DLGAP1: variants seen among roughly 807,000 people sequenced by gnomAD.
DLGAP1 encodes DLG associated protein 1, also known as disks large-associated protein 1.
DLGAP1 carries 11 observed loss-of-function variants against 90.8 expected under a neutral mutation model. The observed-to-expected ratio is 0.12, with a 90% CI of 0.08 to 0.20. DLGAP1 has a LOEUF of 0.20. Ranked by LOEUF, DLGAP1 falls within the 10% of genes least tolerant of loss-of-function variation. The pLI, the probability that DLGAP1 is intolerant of heterozygous loss-of-function variation, is 1.00. For missense variants in DLGAP1, 1,050 were observed against 1,333.8 expected (o/e 0.79, Z 3.31); for synonymous variants, 558 against 540.7 (o/e 1.03, Z -0.44).
chr18:3,676,063 T>TA (rs2060287228), intron 7 of DLGAP1, among the ~76,000 whole-genome samples: 1 of 152,206 alleles, frequency 6.6e-6, no homozygotes, highest in African/African-American at 2.4e-5. Context: ...CAAACTATTT[T>TA]CCTTTCTAAC....
intron 5 of DLGAP1, among the ~76,000 whole-genome samples, chr18:3,745,980 T>G (rs976338722): frequency 1.3e-5 from 2 of 152,158 alleles, no homozygotes; most frequent in Non-Finnish European, 2.9e-5. Context: ...TGTGCCACCA[T>G]GCCCGGCCTC....
At chr18:3,933,068 T>C (rs992729766) in intron 3 of DLGAP1, among the ~76,000 whole-genome samples, 1 of 152,034 alleles carries the variant, frequency 6.6e-6, no homozygotes, top group Non-Finnish European at 1.5e-5. Context: ...ACCTTGGGAG[T>C]TGCAGTTGGT....
chr18:3,545,268 C>T (rs968634937), intron 9 of DLGAP1, among the ~76,000 whole-genome samples: 4 of 151,136 alleles, frequency 2.6e-5, no homozygotes, highest in Admixed American at 6.6e-5. Flanking sequence ...AGCAAAACCC[C>T]GTCTCCAAAA....
chr18:3,803,335 C>G (rs576788712), intron 5 of DLGAP1, among the ~76,000 whole-genome samples: 1 of 152,120 alleles, frequency 6.6e-6, no homozygotes, highest in South Asian at 2.1e-4. Flanking sequence ...GAGAAGGCGA[C>G]GACAATGGAA....
At position 3,993,747 on chromosome 18, in the gene DLGAP1, C is replaced by A. The variant is rs543642853; in HGVS notation, c.-73+11369G>T. On this transcript the variant is annotated intron_variant, in intron 3 of 12. Transcript: ENST00000315677. The stretch of plus-strand genomic sequence containing the variant: ...GAGAGAATGAATCTCTCATAGTTTC[C>A]CTTCTCATGGGATCACTGACCAAGC... 6.6e-5 allele frequency among the ~76,000 whole-genome samples: 10 copies of A among 152,170 alleles called. No individual in the cohort carries two copies. The East Asian group carries it at 7.7e-4, about 12-fold the overall frequency.
intron 7 of DLGAP1, among the ~76,000 whole-genome samples, chr18:3,683,245 G>C (rs2060583260): frequency 6.6e-6 from 1 of 152,192 alleles, no homozygotes; most frequent in African/African-American, 2.4e-5. Context: ...GGAGCTGATG[G>C]TAGATGAAAT....
At chr18:4,042,975 A>G (rs2074997840) in intron 2 of DLGAP1, among the ~76,000 whole-genome samples, 1 of 152,220 alleles carries the variant, frequency 6.6e-6, no homozygotes, top group African/African-American at 2.4e-5. Context: ...ATTCATTTAT[A>G]TGATTTGAAT....
intron 1 of DLGAP1, among the ~76,000 whole-genome samples, chr18:4,341,629 C>T (rs2081190404): frequency 6.6e-6 from 1 of 152,166 alleles, no homozygotes; most frequent in South Asian, 2.1e-4. Flanking sequence ...CTTCTACAAA[C>T]CTATCCCCAC....
chr18:3,856,531 A>T (rs1360972881), intron 4 of DLGAP1, among the ~76,000 whole-genome samples: 1 of 152,152 alleles, frequency 6.6e-6, no homozygotes, highest in Non-Finnish European at 1.5e-5. Flanking sequence ...GAAACAGAAG[A>T]AACCTATTAC....
chr18:4,287,998 T>G (rs906611359), intron 1 of DLGAP1, among the ~76,000 whole-genome samples: 3 of 152,126 alleles, frequency 2.0e-5, no homozygotes, highest in Non-Finnish European at 4.4e-5. Flanking sequence ...TTTACAGGCT[T>G]GTGTTAAGAA....
intron 2 of DLGAP1, among the ~76,000 whole-genome samples, chr18:4,024,170 A>G (rs2074661623): frequency 6.6e-6 from 1 of 152,232 alleles, no homozygotes; most frequent in African/African-American, 2.4e-5. Flanking sequence ...TAGTATATAC[A>G]AATATCATCC....
chr18:3,891,245 G>A (rs1022752751), intron 3 of DLGAP1, among the ~76,000 whole-genome samples: 11 of 152,012 alleles, frequency 7.2e-5, no homozygotes, highest in African/African-American at 2.7e-4. Flanking sequence ...TTCCTCCCTT[G>A]CCAGCCTAGG....
chr18:3,817,750 T>C (rs763822481), intron 4 of DLGAP1, among the ~76,000 whole-genome samples: 10 of 152,182 alleles, frequency 6.6e-5, no homozygotes, highest in Non-Finnish European at 1.2e-4. Context: ...CTTTTGATTG[T>C]AAAGAAAGGG....
intron 2 of DLGAP1, among the ~76,000 whole-genome samples, chr18:4,104,991 G>C (rs1480491200): frequency 1.3e-5 from 2 of 152,138 alleles, no homozygotes; most frequent in Non-Finnish European, 1.5e-5. Context: ...CTCATTCAGT[G>C]TACAAGGATT....
At chr18:3,635,191 C>T (rs28550553) in intron 7 of DLGAP1, among the ~76,000 whole-genome samples, 9,626 of 149,890 alleles carry the variant, frequency 0.064, 420 homozygotes, top group African/African-American at 0.13. Flanking sequence ...AGTGCAGTGG[C>T]GGGATCTCGG....
At chr18:3,950,370 G>A (rs1172810325) in intron 3 of DLGAP1, among the ~76,000 whole-genome samples, 1 of 152,150 alleles carries the variant, frequency 6.6e-6, no homozygotes, top group African/African-American at 2.4e-5. Flanking sequence ...CCTCTTCATG[G>A]AGTCAAATCC....
At chr18:4,055,463 T>G (rs773017622) in intron 2 of DLGAP1, among the ~76,000 whole-genome samples, 1 of 152,186 alleles carries the variant, frequency 6.6e-6, no homozygotes, top group African/African-American at 2.4e-5. Context: ...GGCCCCGGTG[T>G]CGTCTGTTGT....
At chr18:4,362,225 C>G (rs2081645508) in intron 1 of DLGAP1, among the ~76,000 whole-genome samples, 1 of 152,120 alleles carries the variant, frequency 6.6e-6, no homozygotes. Flanking sequence ...AGCAAGTCAA[C>G]CTCTGGGCAT....
intron 9 of DLGAP1, among the ~76,000 whole-genome samples, chr18:3,545,912 T>C (rs961877056): frequency 3.9e-5 from 6 of 152,148 alleles, no homozygotes; most frequent in Non-Finnish European, 8.8e-5. Flanking sequence ...CAAAAGACCA[T>C]AATATTCCTA....
Sources: gnomAD v4.1 joint callset for allele counts (sites outside exome capture counted in the v4.1 genomes callset) on GRCh38, gnomAD v4.1.1 for gene constraint, MANE v1.5 for transcripts, NCBI Gene and HGNC (gene_info 2026-07-23, HGNC 2026-07-21) for gene names.